Variants in ALDH4A1 observed in about 807,000 individuals in gnomAD.
ALDH4A1 encodes aldehyde dehydrogenase 4 family member A1.
A neutral mutation model predicts 70.5 loss-of-function variants in ALDH4A1; 46 were observed. That is an observed-to-expected ratio of 0.65 (90% CI 0.51 to 0.83). The LOEUF is 0.83. ALDH4A1 is among the 40% of genes least tolerant of loss of function. The probability of loss-of-function intolerance (pLI) is 0.00; values close to 1 mark genes in which losing one functional copy is unlikely to be tolerated. For synonymous variants in ALDH4A1, 323 were observed against 324.3 expected (o/e 1.00, Z 0.04); for missense variants, 749 against 766.5 (o/e 0.98, Z 0.27).
intron 1 of ALDH4A1, 23 bp downstream of exon 1, chr1:18,902,439 C>T (rs1935832733): frequency 1.5e-6 from 2 of 1,335,654 alleles, no homozygotes; most frequent in South Asian, 3.8e-5. Flanking sequence ...GCTCGGGCCG[C>T]CCCGGGCCCC....
In ALDH4A1 at chr1:18,877,582, T is replaced by A; in HGVS notation, c.971A>T (p.His324Leu). 1 of 1,520,314 alleles carries A rather than the reference T, an allele frequency of 6.6e-7. No homozygotes were observed. Among genetic ancestry groups the A allele is most frequent in the Non-Finnish European group, 8.9e-7 (1 of 1,123,026 alleles). 94.2% of individuals were successfully genotyped at this position (1,520,314 alleles called of 1,614,324 possible). ...ECGGKNFHFV[H>L]RSADVESVVS... is the part of the protein sequence containing the mutation. ...CACGCTCTCCACGTCGGCCGAGCGG[T>A]GCACGAAGTGGAAGTTCTTTCCGCC... Residue 324 changes from histidine (H) to leucine (L), a missense_variant, in exon 10 of 15, where the codon CAC becomes CTC. His to Leu is a moderately conservative substitution (Grantham distance 99, BLOSUM62 -3). Transcript: ENST00000375341.
In ALDH4A1 at chr1:18,880,753, A is replaced by C. The variant is rs1487331610; in HGVS notation, c.866+947T>G. Among the ~76,000 whole-genome samples the C allele has an allele frequency of 6.6e-6, 1 of 152,182 alleles. No individual in the cohort carries two copies. The highest frequency in any genetic ancestry group is 2.4e-5 in the African/African-American group (1 of 41,452). ...GACAGGCCAATATTTGGATTTATCT[A>C]TGAAATTGTCCCAATTATACAAAGT... On this transcript the variant is annotated intron_variant, in intron 8 of 14. Coordinates refer to ENST00000375341, the MANE Select transcript of ALDH4A1 (RefSeq NM_003748.4). This position sits in a 1 kb window ranked among gnomAD's most constrained non-coding sequence, Gnocchi z 5.1.
rs76526762 is a variant in ALDH4A1, at chr1:18,882,717, A to G, written c.678+407T>C. 3,506 of 561,212 alleles carry G rather than the reference A, an allele frequency of 6.2e-3. 102 individuals are homozygous for G. The highest frequency in any genetic ancestry group is 0.057 in the African/African-American group (3,075 of 53,500). The allele number at this position is 561,212 out of a possible 1,614,324, so 34.8% of individuals were successfully genotyped here. ...AGATCATCTCCATGCCGTGCTTGAC[A>G]GCAGCAGGCACGTGGTGAGCACTGA... On this transcript the variant is annotated intron_variant, in intron 7 of 14. Coordinates refer to ENST00000375341, the MANE Select transcript of ALDH4A1 (RefSeq NM_003748.4).
chr1:18,872,820 C>G lies in ALDH4A1; in HGVS notation c.*25G>C, dbSNP rs373249370. On this transcript the variant is annotated 3_prime_UTR_variant, in exon 15 of 15. Coordinates refer to ENST00000375341, the MANE Select transcript of ALDH4A1 (RefSeq NM_003748.4). ...GTCGGCCACCTGGACGGACAGACAG[C>G]TGGACGGTGGAGCCCGAGAGGGGCT... 6 of 1,594,116 alleles carry G rather than the reference C, an allele frequency of 3.8e-6. No homozygotes were observed. The highest frequency in any genetic ancestry group is 5.2e-6 in the Non-Finnish European group (6 of 1,164,192).
intron 4 of ALDH4A1, 100 bp from the exon 5 acceptor site, chr1:18,885,728 C>T (rs987690697): frequency 1.3e-6 from 2 of 1,524,624 alleles, no homozygotes; most frequent in African/African-American, 1.4e-5. Context: ...TCTCTTCCAT[C>T]CGGGGACAAT....
At chr1:18,899,537 GA>G (rs544006851) in intron 1 of ALDH4A1, among the ~76,000 whole-genome samples, 144 of 152,054 alleles carry the variant, frequency 9.5e-4, no homozygotes, top group African/African-American at 3.4e-3. Context: ...AGTTGATTGA[GA>G]AAAAAACAGG....
Position 18,902,547 on chromosome 1 carries a change from C to G in ALDH4A1, c.-24G>C. On this transcript the variant is annotated 5_prime_UTR_variant, in exon 1 of 15. Transcript: ENST00000375341. ...ATCTCGGGTTAGAAGCGGGGCTGTT[C>G]GCTGGATCGTCCGCCCGGGCGCGGC... The G allele has an allele frequency of 1.4e-6, 2 of 1,476,726 alleles. No homozygotes were observed. The highest frequency in any genetic ancestry group is 1.3e-5 in the South Asian group (1 of 77,582). The allele number at this position is 1,476,726 out of a possible 1,614,324, so 91.5% of individuals were successfully genotyped here.
intron 9 of ALDH4A1, among the ~76,000 whole-genome samples, chr1:18,878,770 C>A (rs1022418587): frequency 6.6e-6 from 1 of 152,176 alleles, no homozygotes; most frequent in Non-Finnish European, 1.5e-5. Flanking sequence ...ACCACACATG[C>A]CAAATTTCCT....
At chr1:18,875,235 G>T in intron 13 of ALDH4A1, 147 bp downstream of exon 13, 1 of 1,352,614 alleles carries the variant, frequency 7.4e-7, no homozygotes, top group Non-Finnish European at 1.0e-6. Context: ...CATGTGGCGA[G>T]CCCTGGCTGC....
chr1:18,888,455 G>A lies in ALDH4A1; in HGVS notation c.249+907C>T, dbSNP rs113746389. On this transcript the variant is annotated intron_variant, in intron 3 of 14. Transcript: ENST00000375341. ...CATGGCCAGAATCTCCAGCCAGGTC[G>A]GCAAGGCAATGTGGGAAATGAAAAT... Among the ~76,000 whole-genome samples the A allele has an allele frequency of 9.7e-3, 1,480 of 152,334 alleles. 23 individuals are homozygous for A. The highest frequency in any genetic ancestry group is 0.034 in the African/African-American group (1,420 of 41,564).
In ALDH4A1 at chr1:18,875,366, C is replaced by A; in HGVS notation, c.1460+16G>T. On this transcript the variant is annotated intron_variant, in intron 13 of 14. Transcript: ENST00000375341. ...CACCCGGAGCACAGCACCAGGGCTG[C>A]GGCCTGGCCACTCACTTATCCTGGG... is the stretch of plus-strand genomic sequence containing the variant. 1.2e-6 allele frequency: 2 copies of A among 1,613,952 alleles called. No homozygotes were observed. The highest frequency in any genetic ancestry group is 1.1e-5 in the South Asian group (1 of 91,076).
intron 1 of ALDH4A1, among the ~76,000 whole-genome samples, chr1:18,893,210 T>C (rs1459424147): frequency 6.6e-6 from 1 of 152,210 alleles, no homozygotes; most frequent in Non-Finnish European, 1.5e-5. Flanking sequence ...TCACACCTGC[T>C]CCATGACCTC....
At position 18,875,462 on chromosome 1, in the gene ALDH4A1, A is replaced by G. The variant is rs2230708; in HGVS notation, c.1380T>C (p.Asp460=). 1,167,789 of 1,613,800 alleles carry G rather than the reference A, an allele frequency of 0.72. 423,345 individuals are homozygous for G. The highest frequency in any genetic ancestry group is 0.81 in the Admixed American group (48,781 of 60,010). The change falls in exon 13 of 15, where the codon GAT becomes GAC. Residue 460 remains aspartate (D), a synonymous_variant. Transcript: ENST00000375341. The stretch of plus-strand genomic sequence containing the variant: ...GCTGCAGCGTCTCCTTGTACTTGTC[A>G]TCCGGGTAGACGTACACAGACAGTA... ...GPVLSVYVYP[D]DKYKETLQLV... is the part of the protein sequence containing the mutation.
At chr1:18,884,467 T>C (rs954615263) in intron 5 of ALDH4A1, among the ~76,000 whole-genome samples, 36 of 152,026 alleles carry the variant, frequency 2.4e-4, no homozygotes, top group Non-Finnish European at 3.2e-4. Flanking sequence ...GAAATAACCC[T>C]TTCTCCCTCG....
chr1:18,875,340 ACACCCGGAG>A (rs1934628526), intron 13 of ALDH4A1, 33 bp downstream of exon 13: 1 of 1,613,438 alleles, frequency 6.2e-7, no homozygotes, highest in South Asian at 1.1e-5. Context: ...CACGGACAGG[ACACCCGGAG>A]CACAGCACCA....
At chr1:18,887,067 C>G (rs9426640) in intron 3 of ALDH4A1, among the ~76,000 whole-genome samples, 5,513 of 152,294 alleles carry the variant, frequency 0.036, 370 homozygotes, top group African/African-American at 0.13. Flanking sequence ...CGCCCTGCCC[C>G]GAAGCCATCA....
chr1:18,875,916 CACT>C (rs1355226549), intron 12 of ALDH4A1, among the ~76,000 whole-genome samples: 2 of 152,220 alleles, frequency 1.3e-5, no homozygotes, highest in Non-Finnish European at 2.9e-5. Flanking sequence ...TCCAGCCCTG[CACT>C]ACCAACTTGG....
chr1:18,877,124 C>A lies in ALDH4A1; in HGVS notation c.1185+84G>T. 7.2e-6 allele frequency: 11 copies of A among 1,528,786 alleles called. 1 individual carries two copies. The Admixed American group carries it at 1.5e-4, about 21-fold the overall frequency. The allele number at this position is 1,528,786 out of a possible 1,614,324, so 94.7% of individuals were successfully genotyped here. A position where few individuals can be genotyped will look rare whatever the true frequency, so the allele number is the denominator to read the frequency against. On this transcript the variant is annotated intron_variant, in intron 11 of 14. Transcript: ENST00000375341. ...AGTGGGGCTGGGTCATGCCCTGGGT[C>A]AGGGTACCCTGTATCTCTTCCTCCC... is the stretch of plus-strand genomic sequence containing the variant.
intron 1 of ALDH4A1, 95 bp from the exon 2 acceptor site, chr1:18,890,200 G>T: frequency 9.4e-7 from 1 of 1,064,038 alleles, no homozygotes; most frequent in Non-Finnish European, 1.4e-6. Flanking sequence ...GGTCCTAGGT[G>T]GGCACCCAGA....
Sources: allele counts gnomAD v4.1 joint callset (sites outside exome capture counted in the v4.1 genomes callset), GRCh38; gene constraint gnomAD v4.1.1; non-coding constraint Gnocchi (gnomAD v3.1); transcripts MANE v1.5; gene names NCBI Gene and HGNC (gene_info 2026-07-23, HGNC 2026-07-21).